Variants in ASAP1 observed in about 807,000 individuals in gnomAD.
ASAP1 encodes the protein arf-GAP with SH3 domain, ANK repeat and PH domain-containing protein 1.
A neutral mutation model predicts 145.2 loss-of-function variants in ASAP1; 43 were observed. That is an observed-to-expected ratio of 0.30 (90% confidence interval 0.23 to 0.38). ASAP1 has a LOEUF of 0.38. ASAP1 is among the 10% of genes least tolerant of loss of function. The probability of loss-of-function intolerance (pLI) is 1.00; values close to 1 mark genes in which losing one functional copy is unlikely to be tolerated. For missense variants in ASAP1, 1,018 were observed against 1,355.3 expected (o/e 0.75, Z 3.91); for synonymous variants, 546 against 515.5 (o/e 1.06, Z -0.80).
At chr8:130,237,420 CAT>C (rs1818278905) in intron 3 of ASAP1, among the ~76,000 whole-genome samples, 1 of 151,930 alleles carries the variant, frequency 6.6e-6, no homozygotes, top group South Asian at 2.1e-4. Context: ...GCCAGAAAAA[CAT>C]TTCAAGGGGT....
chr8:130,251,322 G>C (rs1819184217), intron 3 of ASAP1, among the ~76,000 whole-genome samples: 1 of 152,140 alleles, frequency 6.6e-6, no homozygotes, highest in South Asian at 2.1e-4. Context: ...GGAGGCTGAG[G>C]CAGGAGAAGT....
intron 13 of ASAP1, 132 bp from the exon 14 acceptor site, chr8:130,137,170 A>T: frequency 1.4e-6 from 1 of 739,316 alleles, no homozygotes; most frequent in South Asian, 1.6e-5. Context: ...TCAGCAAAGA[A>T]GAAACAGACA....
At chr8:130,304,840 A>G (rs927875535) in intron 3 of ASAP1, among the ~76,000 whole-genome samples, 2 of 152,196 alleles carry the variant, frequency 1.3e-5, no homozygotes, top group Non-Finnish European at 2.9e-5. Context: ...TCTTTCTCAA[A>G]ATTACAAAAC....
At position 130,192,413 on chromosome 8, in the gene ASAP1, G is replaced by A. The variant is rs533834392; in HGVS notation, c.406-4230C>T. Among the ~76,000 whole-genome samples, 9 of 152,160 alleles carry A rather than the reference G, an allele frequency of 5.9e-5. No individual in the cohort carries two copies. The South Asian group carries it at 1.7e-3, about 28-fold the overall frequency. The stretch of plus-strand genomic sequence containing the variant: ...GATCATAATGAGGAAAAAAAAGGTT[G>A]AGCAACACTAACTGGGTCTGAGACT... On this transcript the variant is annotated intron_variant, in intron 5 of 29. Coordinates refer to ENST00000518721, the MANE Select transcript of ASAP1 (RefSeq NM_018482.4).
chr8:130,333,790 G>A (rs1824852512), intron 3 of ASAP1, among the ~76,000 whole-genome samples: 1 of 152,200 alleles, frequency 6.6e-6, no homozygotes, highest in South Asian at 2.1e-4. Context: ...TATTCATTCA[G>A]TAGTATTTCT....
chr8:130,075,291 A>T (rs933685189), intron 27 of ASAP1, among the ~76,000 whole-genome samples: 2 of 152,248 alleles, frequency 1.3e-5, no homozygotes, highest in African/African-American at 4.8e-5. Context: ...TGTTCTACGG[A>T]AAGTGAATCA....
chr8:130,356,843 G>A (rs564121436), intron 3 of ASAP1, among the ~76,000 whole-genome samples: 6 of 152,150 alleles, frequency 3.9e-5, no homozygotes, highest in Admixed American at 2.0e-4. Flanking sequence ...GCCCACAGAA[G>A]CCCAAGCTTC....
At chr8:130,362,236 G>T (rs1412261066) in intron 2 of ASAP1, among the ~76,000 whole-genome samples, 1 of 152,164 alleles carries the variant, frequency 6.6e-6, no homozygotes, top group Admixed American at 6.5e-5. Flanking sequence ...AACCAGAGGT[G>T]GGGGAGTGTG....
intron 3 of ASAP1, among the ~76,000 whole-genome samples, chr8:130,256,761 A>ATATATATATATATATATATT (rs1819581354): frequency 3.1e-5 from 3 of 98,152 alleles, no homozygotes; most frequent in African/African-American, 6.9e-5. Context: ...ATATATATAT[A>ATATATATATATATATATATT]TATATATATA....
intron 1 of ASAP1, among the ~76,000 whole-genome samples, chr8:130,419,203 G>A (rs1240361016): frequency 6.6e-6 from 1 of 152,184 alleles, no homozygotes; most frequent in Non-Finnish European, 1.5e-5. Flanking sequence ...TGGGTTTTCT[G>A]CCCAGCATCG....
intron 3 of ASAP1, among the ~76,000 whole-genome samples, chr8:130,283,488 G>A (rs569633016): frequency 6.6e-6 from 1 of 150,574 alleles, no homozygotes; most frequent in African/African-American, 2.4e-5. Context: ...GCTGAGGCAG[G>A]AGAATCACTT....
At chr8:130,173,845 G>T (rs1460936594) in intron 9 of ASAP1, among the ~76,000 whole-genome samples, 2 of 151,586 alleles carry the variant, frequency 1.3e-5, no homozygotes, top group Non-Finnish European at 2.9e-5. Context: ...GGCCGAGATG[G>T]GTAGATTGCC....
intron 11 of ASAP1, among the ~76,000 whole-genome samples, chr8:130,163,616 C>A (rs1175981064): frequency 6.6e-6 from 1 of 152,164 alleles, no homozygotes; most frequent in Non-Finnish European, 1.5e-5. Flanking sequence ...GGCCATTCAG[C>A]TTGCTAAGCA....
intron 2 of ASAP1, among the ~76,000 whole-genome samples, chr8:130,378,508 G>C (rs1034889849): frequency 4.6e-5 from 7 of 152,250 alleles, no homozygotes; most frequent in African/African-American, 1.7e-4. Context: ...TAGATGTGGA[G>C]TGGTGCAAAT....
chr8:130,391,222 G>C (rs899308904), intron 2 of ASAP1, among the ~76,000 whole-genome samples: 2 of 152,146 alleles, frequency 1.3e-5, no homozygotes, highest in Non-Finnish European at 1.5e-5. Flanking sequence ...GATACCTAGA[G>C]TAGTCAAATT....
chr8:130,251,229 C>G (rs547273685), intron 3 of ASAP1, among the ~76,000 whole-genome samples: 165 of 152,116 alleles, frequency 1.1e-3, no homozygotes, highest in African/African-American at 4.0e-3. Context: ...ACCAGCCTGG[C>G]CAACATAGCG....
At chr8:130,215,788 T>C (rs1213871563) in intron 4 of ASAP1, among the ~76,000 whole-genome samples, 3 of 151,654 alleles carry the variant, frequency 2.0e-5, no homozygotes. Context: ...AGCTGGGTAT[T>C]GTGGCATGCA....
chr8:130,198,309 G>C (rs1258560611), intron 5 of ASAP1, among the ~76,000 whole-genome samples: 1 of 152,020 alleles, frequency 6.6e-6, no homozygotes, highest in Non-Finnish European at 1.5e-5. Context: ...ATTTTTAGTA[G>C]AGACAGGGTT....
chr8:130,168,256 C>T (rs369877347), intron 10 of ASAP1, among the ~76,000 whole-genome samples: 64 of 152,182 alleles, frequency 4.2e-4, no homozygotes, highest in African/African-American at 1.4e-3. Context: ...TTTTGGGCAA[C>T]AACTTTACCA....
Sources: allele counts gnomAD v4.1 joint callset (sites outside exome capture counted in the v4.1 genomes callset), GRCh38; gene constraint gnomAD v4.1.1; transcripts MANE v1.5; gene names NCBI Gene and HGNC (gene_info 2026-07-23, HGNC 2026-07-21).